The following COL14A1 variants were observed in gnomAD, a reference collection of about 807,000 sequenced individuals.
The protein encoded by COL14A1 is collagen type XIV alpha 1 chain, also known as collagen alpha-1(XIV) chain.
A neutral mutation model predicts 230.3 loss-of-function variants in COL14A1; 136 were observed. The ratio of observed to expected loss-of-function variants is 0.59; its 90% confidence interval spans 0.51 to 0.68. The LOEUF (loss-of-function observed/expected upper bound fraction) is 0.68. Ranked by LOEUF, COL14A1 falls within the 30% of genes least tolerant of loss-of-function variation. The pLI, the probability that COL14A1 is intolerant of heterozygous loss-of-function variation, is 0.00. For missense variants in COL14A1, 1,976 were observed against 2,215.8 expected (o/e 0.89, Z 2.17); for synonymous variants, 792 against 784.1 (o/e 1.01, Z -0.17).
At chr8:120,149,113 A>T (rs1451778969) in intron 2 of COL14A1, among the ~76,000 whole-genome samples, 1 of 152,248 alleles carries the variant, frequency 6.6e-6, no homozygotes, top group Admixed American at 6.5e-5. Flanking sequence ...TTAGACAAAC[A>T]TGGGAATCTA....
At chr8:120,306,927 G>A (rs1820873600) in intron 36 of COL14A1, among the ~76,000 whole-genome samples, 1 of 152,042 alleles carries the variant, frequency 6.6e-6, no homozygotes, top group South Asian at 2.1e-4. Context: ...TGACAGACTG[G>A]GTATATTAAC....
intron 34 of COL14A1, among the ~76,000 whole-genome samples, chr8:120,292,287 A>C (rs546335010): frequency 6.6e-6 from 1 of 152,294 alleles, no homozygotes; most frequent in African/African-American, 2.4e-5. Context: ...CCATGAGAGA[A>C]ATGGAATTAA....
rs534771634 is a variant in COL14A1, at chr8:120,369,893, T to C, written c.5311+408T>C. The stretch of plus-strand genomic sequence containing the variant: ...CTCTTGGTTTGGGGAAATGTCAAAC[T>C]TAGAACTTCTCCCGTAATTAAGAGG... On this transcript the variant is annotated intron_variant, in intron 47 of 47. Transcript: ENST00000297848. 1.4e-4 allele frequency among the ~76,000 whole-genome samples: 22 copies of C among 152,296 alleles called. No individual in the cohort carries two copies. In the East Asian group the frequency reaches 4.2e-3, roughly 29 times the overall value.
intron 5 of COL14A1, among the ~76,000 whole-genome samples, chr8:120,195,859 A>C (rs1480059432): frequency 1.3e-5 from 2 of 152,042 alleles, no homozygotes; most frequent in Non-Finnish European, 1.5e-5. Flanking sequence ...ACACAACCAA[A>C]CCATATCGAC....
In COL14A1 at chr8:120,355,936, A is replaced by G. The variant is rs530664007; in HGVS notation, c.5077+10373A>G. 3.3e-5 allele frequency among the ~76,000 whole-genome samples: 5 copies of G among 152,332 alleles called. No individual in the cohort carries two copies. In the East Asian group the frequency reaches 5.8e-4, roughly 18 times the overall value. On this transcript the variant is annotated intron_variant, in intron 45 of 47. Coordinates refer to ENST00000297848, the MANE Select transcript of COL14A1 (RefSeq NM_021110.4). ...TATGTAAGGTTTTTCAGTTTGGCAG[A>G]TAGATAATACTATTATTTATAGCTT...
chr8:120,333,760 G>A (rs1426770224), intron 42 of COL14A1, among the ~76,000 whole-genome samples: 1 of 152,150 alleles, frequency 6.6e-6, no homozygotes, highest in Non-Finnish European at 1.5e-5. Context: ...CTCTTTCCTG[G>A]CCTTTTCTAG....
chr8:120,297,543 C>T lies in COL14A1; in HGVS notation c.4269C>T (p.Ser1423=). 2 of 1,461,746 alleles carry T rather than the reference C, an allele frequency of 1.4e-6. No individual in the cohort carries two copies. Among genetic ancestry groups the T allele is most frequent in the South Asian group, 3.5e-5 (2 of 57,542 alleles). The allele number at this position is 1,461,746 out of a possible 1,614,324, so 90.5% of individuals were successfully genotyped here. Residue 1423 remains serine (S), a synonymous_variant, in exon 35 of 48, where the codon TCC becomes TCT. Transcript: ENST00000297848. ...TACAGATGTTTGATATTGTTTGCTCCACATCATGGGCCAATACAGACAAAT... is the reference window on the plus strand; with the variant it reads ...TACAGATGTTTGATATTGTTTGCTCTACATCATGGGCCAATACAGACAAAT... The part of the protein sequence containing the change: ...FQLQMFDIVC[S]TSWANTDKCC...
At chr8:120,331,318 G>T (rs754764633) in intron 40 of COL14A1, among the ~76,000 whole-genome samples, 2 of 152,084 alleles carry the variant, frequency 1.3e-5, no homozygotes, top group East Asian at 3.9e-4. Flanking sequence ...TATAGTAACA[G>T]GTGGTGTTTG....
At chr8:120,334,128 C>T (rs1464104460) in intron 42 of COL14A1, among the ~76,000 whole-genome samples, 1 of 152,188 alleles carries the variant, frequency 6.6e-6, no homozygotes, top group African/African-American at 2.4e-5. Context: ...AAAGTGGCCT[C>T]TCTTCGTCTA....
At chr8:120,302,061 C>T (rs573654933) in intron 36 of COL14A1, among the ~76,000 whole-genome samples, 1 of 152,012 alleles carries the variant, frequency 6.6e-6, no homozygotes, top group South Asian at 2.1e-4. Flanking sequence ...ATGTCCTTTG[C>T]TCTCTTTTTA....
intron 1 of COL14A1, among the ~76,000 whole-genome samples, chr8:120,138,160 A>G (rs74806480): frequency 0.024 from 3,613 of 152,264 alleles, 58 homozygotes; most frequent in African/African-American, 0.036. Context: ...CAATATATCT[A>G]TATACCAATA....
chr8:120,295,711 T>C (rs987310614), intron 34 of COL14A1, among the ~76,000 whole-genome samples: 1 of 151,920 alleles, frequency 6.6e-6, no homozygotes, highest in Non-Finnish European at 1.5e-5. Context: ...ATTTATTATT[T>C]ATAGCAACTA....
intron 40 of COL14A1, among the ~76,000 whole-genome samples, chr8:120,322,256 A>G (rs1449939462): frequency 1.3e-5 from 2 of 152,082 alleles, no homozygotes; most frequent in Non-Finnish European, 2.9e-5. Context: ...GCATTAGGAA[A>G]AATAGCTAAT....
chr8:120,285,411 C>T (rs1169721334), intron 32 of COL14A1, among the ~76,000 whole-genome samples: 1 of 138,874 alleles, frequency 7.2e-6, no homozygotes. Context: ...TTGCAGTGAG[C>T]CAAGATCATG....
intron 7 of COL14A1, among the ~76,000 whole-genome samples, chr8:120,198,432 C>T (rs576096653): frequency 9.9e-5 from 15 of 152,040 alleles, no homozygotes; most frequent in African/African-American, 2.7e-4. Flanking sequence ...TGATGAATGA[C>T]GAATATAAGA....
In COL14A1 at chr8:120,162,555, A is replaced by G. The variant is rs201467505; in HGVS notation, c.335A>G (p.Gln112Arg). 6.2e-7 allele frequency: 1 copy of G among 1,605,496 alleles called. No homozygotes were observed. Among genetic ancestry groups the G allele is most frequent in the Non-Finnish European group, 8.5e-7 (1 of 1,176,518 alleles). ...AAAGATAAAGAAAGCAAGCCAGCTC[A>G]AGGCCAATTCAGAAGTACGTATTTA... The part of the protein sequence containing the change: ...YNKDKESKPA[Q>R]GQFRIKDLEK... The change falls in exon 4 of 48, where the codon CAA becomes CGA. Residue 112 changes from glutamine to arginine, a missense_variant. By Grantham distance (43) the Gln-to-Arg change is conservative (BLOSUM62 1). Coordinates refer to ENST00000297848, the MANE Select transcript of COL14A1 (RefSeq NM_021110.4).
chr8:120,331,036 G>T (rs36071361), intron 40 of COL14A1, among the ~76,000 whole-genome samples: 2 of 151,154 alleles, frequency 1.3e-5, no homozygotes, highest in Non-Finnish European at 2.9e-5. Flanking sequence ...ACCTGGGAGG[G>T]GGAAGTTGCG....
rs767170417 is a variant in COL14A1, at chr8:120,231,537, C to A, written c.2268C>A (p.Asp756Glu). 4 of 1,613,926 alleles carry A rather than the reference C, an allele frequency of 2.5e-6. No homozygotes were observed. In the African/African-American group the frequency reaches 4.0e-5, roughly 16 times the overall value. Residue 756 changes from aspartate (D) to glutamate (E), a missense_variant, in exon 19 of 48, where the codon GAC becomes GAA. By Grantham distance (45) the Asp-to-Glu change is conservative (BLOSUM62 2). Coordinates refer to ENST00000297848, the MANE Select transcript of COL14A1 (RefSeq NM_021110.4). ...ETTSSLRVKW[D>E]ISDSDVQQFR... Reference sequence around the variant, plus strand: ...CTTCTAGCCTGCGGGTAAAATGGGACATTTCTGACAGCGATGTGCAGCAGT... The same window carrying A: ...CTTCTAGCCTGCGGGTAAAATGGGAAATTTCTGACAGCGATGTGCAGCAGT...
At chr8:120,143,061 C>T (rs977595456) in intron 1 of COL14A1, among the ~76,000 whole-genome samples, 8 of 152,178 alleles carry the variant, frequency 5.3e-5, no homozygotes, top group African/African-American at 1.9e-4. Flanking sequence ...TAATCTACCC[C>T]ACTCATTCTA....
Sources: gnomAD v4.1 joint callset for allele counts (sites outside exome capture counted in the v4.1 genomes callset) on GRCh38, gnomAD v4.1.1 for gene constraint, MANE v1.5 for transcripts, NCBI Gene and HGNC (gene_info 2026-07-23, HGNC 2026-07-21) for gene names.